Variants in ACVR1C observed in about 807,000 individuals in gnomAD.
ACVR1C encodes the protein activin A receptor type 1C, also known as activin receptor type-1C.
A neutral mutation model predicts 57.9 loss-of-function variants in ACVR1C; 23 were observed. That is an observed-to-expected ratio of 0.40 (90% CI 0.29 to 0.56). ACVR1C has a LOEUF of 0.56. Among genes scored for constraint, ACVR1C ranks in the 20% least tolerant of loss-of-function variants. The pLI is 0.50. For synonymous variants in ACVR1C, 214 were observed against 215.3 expected, an observed-to-expected ratio of 0.99 and a Z score of 0.05; for missense variants, 480 against 607.9, an observed-to-expected ratio of 0.79 and a Z score of 2.21.
intron 1 of ACVR1C, among the ~76,000 whole-genome samples, chr2:157,601,416 C>A (rs1467005467): frequency 1.3e-5 from 2 of 152,092 alleles, no homozygotes; most frequent in Non-Finnish European, 2.9e-5. Context: ...AAAATAACTG[C>A]CTGTTTCTTT....
chr2:157,550,894 C>G (rs1456565286), intron 3 of ACVR1C, among the ~76,000 whole-genome samples: 2 of 151,936 alleles, frequency 1.3e-5, no homozygotes, highest in Non-Finnish European at 2.9e-5. Context: ...TGATATTACA[C>G]TAAAAGCAAG....
At chr2:157,613,313 G>C (rs1292872093) in intron 1 of ACVR1C, among the ~76,000 whole-genome samples, 1 of 152,132 alleles carries the variant, frequency 6.6e-6, no homozygotes, top group African/African-American at 2.4e-5. Context: ...AATGTCCCTA[G>C]TCAGCCATCT....
intron 2 of ACVR1C, among the ~76,000 whole-genome samples, chr2:157,572,947 T>A (rs1220328093): frequency 6.6e-6 from 1 of 152,146 alleles, no homozygotes; most frequent in Admixed American, 6.5e-5. Flanking sequence ...TTTCTCAGCA[T>A]GCACATGTCA....
At chr2:157,544,273 T>G (rs1687689187) in intron 5 of ACVR1C, among the ~76,000 whole-genome samples, 172 bp downstream of exon 5, 1 of 150,178 alleles carries the variant, frequency 6.7e-6, no homozygotes, top group African/African-American at 2.5e-5. Context: ...CTCAAATTCC[T>G]GGCCTCAAGT....
intron 1 of ACVR1C, among the ~76,000 whole-genome samples, chr2:157,599,651 T>C (rs548917033): frequency 6.6e-6 from 1 of 152,350 alleles, no homozygotes; most frequent in Non-Finnish European, 1.5e-5. Context: ...GGGTTCAATA[T>C]ATTGTTTGTC....
At chr2:157,610,126 G>C (rs903774221) in intron 1 of ACVR1C, among the ~76,000 whole-genome samples, 1 of 152,004 alleles carries the variant, frequency 6.6e-6, no homozygotes, top group Non-Finnish European at 1.5e-5. Flanking sequence ...GTGTGTGTTT[G>C]TCATGTCAGT....
intron 2 of ACVR1C, among the ~76,000 whole-genome samples, chr2:157,578,294 G>C (rs1305525004): frequency 2.0e-5 from 3 of 152,090 alleles, no homozygotes; most frequent in Non-Finnish European, 4.4e-5. Flanking sequence ...TCTTTTAAAA[G>C]TAACACAGAA....
chr2:157,561,457 G>A lies in ACVR1C; in HGVS notation c.305-5125C>T, dbSNP rs1412366777. Among the ~76,000 whole-genome samples the A allele has an allele frequency of 3.3e-5, 5 of 152,174 alleles. No homozygotes were observed. The East Asian group carries it at 5.8e-4, about 18-fold the overall frequency. On this transcript the variant is annotated intron_variant, in intron 2 of 8. Coordinates refer to ENST00000243349, the MANE Select transcript of ACVR1C (RefSeq NM_145259.3). ...ATTCCACCACTGTCAACTGAATGAC[G>A]TGATGATGTTCTGTCCATCCATCCC...
Position 157,533,893 on chromosome 2 carries a change from T to C in ACVR1C, c.*25A>G, listed in dbSNP as rs374742083. On this transcript the variant is annotated 3_prime_UTR_variant, in exon 9 of 9. Coordinates refer to ENST00000243349, the MANE Select transcript of ACVR1C (RefSeq NM_145259.3). Reference sequence around the variant, plus strand: ...AAATGGAAAAGAAAGCTATGAGAGATTTCTTTTTAACATAATTATCATCAT... The same window carrying C: ...AAATGGAAAAGAAAGCTATGAGAGACTTCTTTTTAACATAATTATCATCAT... The C allele has an allele frequency of 3.5e-4, 536 of 1,518,132 alleles. No individual in the cohort carries two copies. Among genetic ancestry groups the C allele is most frequent in the Non-Finnish European group, 4.3e-4 (492 of 1,137,692 alleles). The allele number at this position is 1,518,132 out of a possible 1,614,324, so 94.0% of individuals were successfully genotyped here. A position where few individuals can be genotyped will look rare whatever the true frequency, so the allele number is the denominator to read the frequency against.
chr2:157,593,384 A>AC (rs1689087494), intron 1 of ACVR1C, among the ~76,000 whole-genome samples: 1 of 152,198 alleles, frequency 6.6e-6, no homozygotes, highest in Non-Finnish European at 1.5e-5. Context: ...TGGAGTCTAT[A>AC]TGCTAAAATT....
In ACVR1C at chr2:157,628,525, C is replaced by G. The variant is rs968855633; in HGVS notation, c.73+47G>C. 1.9e-6 allele frequency: 3 copies of G among 1,584,918 alleles called. No homozygotes were observed. The African/African-American group carries it at 4.0e-5, about 21-fold the overall frequency. ...CCCCGTGCTCACCCGCAGACCTCCT[C>G]CCAGCTCCCACCCTCGCGGGCGTCG... is the stretch of plus-strand genomic sequence containing the variant. On this transcript the variant is annotated intron_variant, in intron 1 of 8. Transcript: ENST00000243349.
At chr2:157,628,467 G>A in intron 1 of ACVR1C, 105 bp downstream of exon 1, 1 of 1,310,862 alleles carries the variant, frequency 7.6e-7, no homozygotes, top group African/African-American at 1.5e-5. Context: ...CGCCCCGAAG[G>A]TCAGTTTGCT....
At chr2:157,581,103 G>C (rs549142336) in intron 2 of ACVR1C, among the ~76,000 whole-genome samples, 1 of 152,238 alleles carries the variant, frequency 6.6e-6, no homozygotes, top group East Asian at 1.9e-4. Flanking sequence ...CACCCCCCAA[G>C]AAGCTGGCAG....
intron 2 of ACVR1C, among the ~76,000 whole-genome samples, chr2:157,561,681 T>C (rs1227368338): frequency 6.6e-6 from 1 of 152,218 alleles, no homozygotes; most frequent in Non-Finnish European, 1.5e-5. Flanking sequence ...AGTGACATGT[T>C]AAGCAATGAG....
At position 157,533,842 on chromosome 2, in the gene ACVR1C, T is replaced by C. The variant is rs757498287; in HGVS notation, c.*76A>G. ...TCTTTGAGGTAGAACAAAAAAAAAA[T>C]GGCAAAAACATTCACATAAAGGGGA... On this transcript the variant is annotated 3_prime_UTR_variant, in exon 9 of 9. Coordinates refer to ENST00000243349, the MANE Select transcript of ACVR1C (RefSeq NM_145259.3). 6 of 1,386,712 alleles carry C rather than the reference T, an allele frequency of 4.3e-6. No individual in the cohort carries two copies. The highest frequency in any genetic ancestry group is 5.7e-6 in the Non-Finnish European group (6 of 1,056,638). 85.9% of individuals were successfully genotyped at this position (1,386,712 alleles called of 1,614,324 possible).
Position 157,628,343 on chromosome 2 carries a change from C to T in ACVR1C, c.73+229G>A, listed in dbSNP as rs184810782. ...CCCACGTCCCTGCTGCCTTTTCCCT[C>T]TTCCGGGCGGCTTCGTCCCCAACAC... On this transcript the variant is annotated intron_variant, in intron 1 of 8. Coordinates refer to ENST00000243349, the MANE Select transcript of ACVR1C (RefSeq NM_145259.3). 1.7e-3 allele frequency among the ~76,000 whole-genome samples: 253 copies of T among 152,308 alleles called. 2 individuals carry two copies. In the Middle Eastern group the frequency reaches 0.017, roughly 10 times the overall value.
chr2:157,619,682 C>A (rs1011857236), intron 1 of ACVR1C, among the ~76,000 whole-genome samples: 4 of 151,744 alleles, frequency 2.6e-5, no homozygotes, highest in Non-Finnish European at 5.9e-5. Context: ...ATATAATGTA[C>A]CTGCTAAAGA....
intron 1 of ACVR1C, among the ~76,000 whole-genome samples, chr2:157,591,497 T>G (rs1295451242): frequency 6.6e-6 from 1 of 152,050 alleles, no homozygotes; most frequent in African/African-American, 2.4e-5. Context: ...CTTATGGAAA[T>G]CTACAATTAC....
intron 7 of ACVR1C, among the ~76,000 whole-genome samples, chr2:157,540,538 C>T (rs1403684141): frequency 3.9e-5 from 6 of 152,108 alleles, no homozygotes; most frequent in South Asian, 4.1e-4. Flanking sequence ...CTCAGTGATC[C>T]GCCCGCCTCA....
Sources: gnomAD v4.1 joint callset for allele counts (sites outside exome capture counted in the v4.1 genomes callset) on GRCh38, gnomAD v4.1.1 for gene constraint, MANE v1.5 for transcripts, NCBI Gene and HGNC (gene_info 2026-07-23, HGNC 2026-07-21) for gene names.